PCDHA1: variants seen among roughly 807,000 people sequenced by gnomAD.
PCDHA1 encodes the protein protocadherin alpha 1.
PCDHA1 carries 42 observed loss-of-function variants against 61.3 expected under a neutral mutation model. The ratio of observed to expected loss-of-function variants is 0.69; its 90% CI spans 0.54 to 0.89. The LOEUF (loss-of-function observed/expected upper bound fraction) is 0.89. Among genes scored for constraint, PCDHA1 ranks in the 40% least tolerant of loss-of-function variants. The pLI is 0.00. For synonymous variants in PCDHA1, 610 were observed against 553.8 expected, an observed-to-expected ratio of 1.10 and a Z score of -1.43; for missense variants, 1,256 against 1,235.3, an observed-to-expected ratio of 1.02 and a Z score of -0.25.
At chr5:140,841,916 T>A (rs1554138648) in intron 1 of PCDHA1, 11 of 1,613,792 alleles carry the variant, frequency 6.8e-6, no homozygotes, top group Non-Finnish European at 9.3e-6. Flanking sequence ...ATTAAGAAAA[T>A]CCTTGGACAG....
At chr5:140,885,267 C>CAT (rs1219745687) in intron 1 of PCDHA1, among the ~76,000 whole-genome samples, 1 of 151,978 alleles carries the variant, frequency 6.6e-6, no homozygotes, top group East Asian at 1.9e-4. Context: ...ATTACTCATA[C>CAT]ATATATATAT....
Position 140,843,391 on chromosome 5 carries a change from A to G in PCDHA1, c.2394+54707A>G, listed in dbSNP as rs1554140017. On this transcript the variant is annotated intron_variant, in intron 1 of 3. Transcript: ENST00000504120. ...AGTCGGCTGGCGTTTTGGGTCCGGA[A>G]GCGGCGCTGGTGGATGTCAACGTGT... 7.5e-6 allele frequency: 12 copies of G among 1,596,022 alleles called. 1 individual carries two copies. The highest frequency in any genetic ancestry group is 8.6e-6 in the Non-Finnish European group (10 of 1,165,574).
chr5:140,930,084 A>T (rs1350674790), intron 1 of PCDHA1: 2 of 152,142 alleles, frequency 1.3e-5, no homozygotes, highest in Non-Finnish European at 2.9e-5. Flanking sequence ...CTCTCATAAC[A>T]TCTATTTATA....
At chr5:140,808,153 C>T in intron 1 of PCDHA1, 1 of 1,614,034 alleles carries the variant, frequency 6.2e-7, no homozygotes, top group Non-Finnish European at 8.5e-7. Context: ...TTGTAGAGGG[C>T]ATTGATAAGG....
chr5:140,903,823 G>A (rs1303323584), intron 1 of PCDHA1, among the ~76,000 whole-genome samples: 1 of 152,048 alleles, frequency 6.6e-6, no homozygotes, highest in Non-Finnish European at 1.5e-5. Flanking sequence ...TCACATGAAT[G>A]TCTGTTGGTA....
At chr5:140,911,518 T>C (rs531265598) in intron 1 of PCDHA1, among the ~76,000 whole-genome samples, 1 of 152,346 alleles carries the variant, frequency 6.6e-6, no homozygotes, top group East Asian at 1.9e-4. Flanking sequence ...TATCTGCTTC[T>C]GAAGCTAGGA....
intron 3 of PCDHA1, among the ~76,000 whole-genome samples, chr5:141,002,678 C>T (rs1361402849): frequency 6.6e-6 from 1 of 152,136 alleles, no homozygotes; most frequent in Non-Finnish European, 1.5e-5. Context: ...AAAACCTATA[C>T]GACGTGCAGA....
At chr5:140,902,473 T>A (rs2069483138) in intron 1 of PCDHA1, among the ~76,000 whole-genome samples, 1 of 152,208 alleles carries the variant, frequency 6.6e-6, no homozygotes, top group African/African-American at 2.4e-5. Context: ...CTTTGAGTTT[T>A]TGCCTGCTCA....
At chr5:140,819,799 C>A (rs1766628224) in intron 1 of PCDHA1, among the ~76,000 whole-genome samples, 1 of 151,840 alleles carries the variant, frequency 6.6e-6, no homozygotes, top group African/African-American at 2.4e-5. Flanking sequence ...ATATTTTTTC[C>A]AGACTGAGAG....
At chr5:140,808,305 G>A in intron 1 of PCDHA1, 1 of 1,614,250 alleles carries the variant, frequency 6.2e-7, no homozygotes, top group Non-Finnish European at 8.5e-7. Context: ...GCCCTGATCA[G>A]CGTGTCCGAC....
intron 1 of PCDHA1, among the ~76,000 whole-genome samples, chr5:140,914,941 T>C (rs1554196635): frequency 6.9e-6 from 1 of 145,614 alleles, no homozygotes; most frequent in Non-Finnish European, 1.5e-5. Flanking sequence ...TGTGAAAAGT[T>C]GTCTTTTTTT....
chr5:140,792,068 C>G (rs1289215724), intron 1 of PCDHA1, among the ~76,000 whole-genome samples: 6 of 152,128 alleles, frequency 3.9e-5, no homozygotes, highest in African/African-American at 1.4e-4. Context: ...TTTCTTCTCT[C>G]TTATGGAGGC....
chr5:140,838,087 T>TA (rs1775519591), intron 1 of PCDHA1, among the ~76,000 whole-genome samples: 48 of 97,638 alleles, frequency 4.9e-4, no homozygotes, highest in South Asian at 9.2e-4. Flanking sequence ...AGTGTGTGTG[T>TA]GTGTGTGTGT....
intron 1 of PCDHA1, among the ~76,000 whole-genome samples, chr5:140,902,906 G>T (rs1047423029): frequency 9.2e-5 from 14 of 152,162 alleles, no homozygotes; most frequent in Admixed American, 3.3e-4. Context: ...TTAGTTTATG[G>T]CTGAGTAGTA....
chr5:140,912,889 G>T (rs782116758), intron 1 of PCDHA1, among the ~76,000 whole-genome samples: 8 of 152,140 alleles, frequency 5.3e-5, no homozygotes, highest in Non-Finnish European at 1.2e-4. Context: ...TCATTCTGTT[G>T]ATATGATGTA....
At chr5:140,908,529 T>C (rs1250814293) in intron 1 of PCDHA1, among the ~76,000 whole-genome samples, 1 of 152,178 alleles carries the variant, frequency 6.6e-6, no homozygotes, top group Non-Finnish European at 1.5e-5. Flanking sequence ...AAATGTTCAG[T>C]TTCCACCAAA....
chr5:140,819,612 G>A (rs1352238283), intron 1 of PCDHA1, among the ~76,000 whole-genome samples: 1 of 152,056 alleles, frequency 6.6e-6, no homozygotes, highest in Non-Finnish European at 1.5e-5. Flanking sequence ...AGTCTCCCAT[G>A]AAATTCAGAT....
At chr5:140,992,533 C>T (rs1292844643) in intron 3 of PCDHA1, among the ~76,000 whole-genome samples, 1 of 152,188 alleles carries the variant, frequency 6.6e-6, no homozygotes, top group Non-Finnish European at 1.5e-5. Context: ...GGAAAAGTCA[C>T]TGTCACAAGT....
chr5:140,875,125 A>T (rs1158150211), intron 1 of PCDHA1, among the ~76,000 whole-genome samples: 2 of 152,240 alleles, frequency 1.3e-5, no homozygotes, highest in Non-Finnish European at 2.9e-5. Flanking sequence ...TATATTAACT[A>T]AACCCGCATT....
Sources: gnomAD v4.1 joint callset for allele counts (sites outside exome capture counted in the v4.1 genomes callset) on GRCh38, gnomAD v4.1.1 for gene constraint, MANE v1.5 for transcripts, NCBI Gene and HGNC (gene_info 2026-07-23, HGNC 2026-07-21) for gene names.